Variants in PCM1 observed in about 807,000 individuals in gnomAD.
PCM1 encodes the protein pericentriolar material 1, also known as pericentriolar material 1 protein.
A neutral mutation model predicts 241.9 loss-of-function variants in PCM1; 157 were observed. That is an observed-to-expected ratio of 0.65 (90% CI 0.57 to 0.74). The LOEUF (loss-of-function observed/expected upper bound fraction) is 0.74. Ranked by LOEUF, PCM1 falls within the 30% of genes least tolerant of loss-of-function variation. The probability of loss-of-function intolerance (pLI) is 0.00; values close to 1 mark genes in which losing one functional copy is unlikely to be tolerated. For synonymous variants in PCM1, 1,085 were observed against 784.9 expected, an observed-to-expected ratio of 1.38 and a Z score of -6.39; for missense variants, 3,478 against 2,360.1, an observed-to-expected ratio of 1.47 and a Z score of -9.81.
At chr8:17,951,309 G>C (rs1442615497) in intron 8 of PCM1, among the ~76,000 whole-genome samples, 2 of 152,202 alleles carry the variant, frequency 1.3e-5, no homozygotes, top group Non-Finnish European at 2.9e-5. Flanking sequence ...TGAAGATGCA[G>C]TGTCTCTTGT....
chr8:18,027,327 C>T (rs2094307874), intron 38 of PCM1, among the ~76,000 whole-genome samples: 1 of 152,092 alleles, frequency 6.6e-6, no homozygotes. Flanking sequence ...TGTTGATATC[C>T]CCTCTTCTGT....
chr8:17,975,598 A>G (rs1196344237), intron 23 of PCM1, among the ~76,000 whole-genome samples: 6 of 152,294 alleles, frequency 3.9e-5, no homozygotes, highest in East Asian at 3.9e-4. Context: ...GGGAACGGAT[A>G]TGACAGATAT....
In PCM1 at chr8:17,992,420, G is replaced by T. The variant is rs183409775; in HGVS notation, c.4690+720G>T. Among the ~76,000 whole-genome samples the T allele has an allele frequency of 3.7e-3, 557 of 152,076 alleles. 5 individuals carry two copies. Among genetic ancestry groups the T allele is most frequent in the African/African-American group, 0.013 (537 of 41,510 alleles). ...TCCACACTAACATCTATTATTTTTT[G>T]ATTTTTAAATTACGGCCATTCTTGC... On this transcript the variant is annotated intron_variant, in intron 28 of 38. Coordinates refer to ENST00000325083, the MANE Select transcript of PCM1 (RefSeq NM_006197.4).
intron 6 of PCM1, among the ~76,000 whole-genome samples, chr8:17,946,313 T>G (rs1563781870): frequency 6.6e-6 from 1 of 152,188 alleles, no homozygotes; most frequent in African/African-American, 2.4e-5. Context: ...ATGACGAATA[T>G]AAAATTCGTT....
intron 4 of PCM1, among the ~76,000 whole-genome samples, chr8:17,937,840 A>T: frequency 6.6e-6 from 1 of 152,178 alleles, no homozygotes; most frequent in South Asian, 2.1e-4. Flanking sequence ...TTCTTGAGAG[A>T]TATTTTACTC....
chr8:18,001,501 C>T (rs1273769090), intron 29 of PCM1, among the ~76,000 whole-genome samples: 1 of 152,112 alleles, frequency 6.6e-6, no homozygotes, highest in Non-Finnish European at 1.5e-5. Flanking sequence ...TTTCATTTAA[C>T]AACATTGATC....
intron 36 of PCM1, 123 bp from the exon 37 acceptor site, chr8:18,025,237 AT>A (rs1379738113): frequency 1.9e-6 from 1 of 535,824 alleles, no homozygotes; most frequent in Non-Finnish European, 3.3e-6. Flanking sequence ...TAAATTATTC[AT>A]AGAGCTGAAT....
chr8:17,975,368 G>T (rs938591456), intron 23 of PCM1, among the ~76,000 whole-genome samples: 4 of 152,034 alleles, frequency 2.6e-5, no homozygotes, highest in Admixed American at 2.0e-4. Context: ...TCTCCACGTT[G>T]GTCAGGCTAG....
intron 23 of PCM1, among the ~76,000 whole-genome samples, chr8:17,975,547 A>T (rs1351393905): frequency 1.3e-5 from 2 of 152,134 alleles, no homozygotes; most frequent in Non-Finnish European, 2.9e-5. Context: ...TACTACAGTA[A>T]GAAAAGTATA....
In PCM1 at chr8:17,960,176, C is replaced by G. The variant is rs1403133450; in HGVS notation, c.2192+11C>G. The G allele has an allele frequency of 6.4e-7, 1 of 1,554,650 alleles. No homozygotes were observed. Among genetic ancestry groups the G allele is most frequent in the Non-Finnish European group, 8.7e-7 (1 of 1,152,608 alleles). On this transcript the variant is annotated intron_variant, in intron 14 of 38. Transcript: ENST00000325083. The stretch of plus-strand genomic sequence containing the variant: ...AAATGAAAAGGCAAGGTATGTTAAG[C>G]TTTTGGCCTTCATTTAATATAATAA...
intron 15 of PCM1, 48 bp downstream of exon 15, chr8:17,960,492 C>G (rs558178835): frequency 1.3e-6 from 2 of 1,481,766 alleles, no homozygotes; most frequent in Non-Finnish European, 1.8e-6. Flanking sequence ...ATGTTTAAAA[C>G]CTTAGGTCAA....
At chr8:17,973,832 C>G (rs546992775) in intron 23 of PCM1, among the ~76,000 whole-genome samples, 1 of 152,132 alleles carries the variant, frequency 6.6e-6, no homozygotes, top group African/African-American at 2.4e-5. Context: ...ACAACACATA[C>G]AAGTATAGTA....
intron 22 of PCM1, among the ~76,000 whole-genome samples, 195 bp downstream of exon 22, chr8:17,969,943 G>A (rs2076287752): frequency 1.3e-5 from 2 of 152,092 alleles, no homozygotes; most frequent in East Asian, 1.9e-4. Flanking sequence ...ATTAAAAGTT[G>A]TTTGGAAGGA....
At chr8:18,001,257 A>G (rs922718471) in intron 29 of PCM1, among the ~76,000 whole-genome samples, 1 of 152,196 alleles carries the variant, frequency 6.6e-6, no homozygotes, top group African/African-American at 2.4e-5. Context: ...CTGTTGTTAA[A>G]TATTTGTGTT....
At chr8:17,934,269 T>TC (rs1491391484) in intron 2 of PCM1, among the ~76,000 whole-genome samples, 3 of 45,190 alleles carry the variant, frequency 6.6e-5, no homozygotes, top group Non-Finnish European at 2.6e-4. Flanking sequence ...ATTTTTAATC[T>TC]TTTTTTTTTT....
At position 18,020,638 on chromosome 8, in the gene PCM1, CTG is replaced by C. The variant is rs1337905706; in HGVS notation, c.5842-4721_5842-4720del. On this transcript the variant is annotated intron_variant, in intron 36 of 38. Transcript: ENST00000325083. ...TTTATTGATGGATCCTATGAAAAAA[CTG>C]TAGAGAAGAAATACTGAGCAAGACA... 2.6e-5 allele frequency among the ~76,000 whole-genome samples: 4 copies of C among 152,134 alleles called. No homozygotes were observed. The East Asian group carries it at 7.7e-4, about 29-fold the overall frequency.
At chr8:18,011,053 C>T (rs2092424460) in intron 32 of PCM1, among the ~76,000 whole-genome samples, 184 bp from the exon 33 acceptor site, 2 of 152,152 alleles carry the variant, frequency 1.3e-5, no homozygotes, top group African/African-American at 4.8e-5. Flanking sequence ...TGTTTGAAAG[C>T]AGACTGTATC....
chr8:18,018,111 G>T (rs1012461372), intron 36 of PCM1, among the ~76,000 whole-genome samples: 1 of 152,192 alleles, frequency 6.6e-6, no homozygotes, highest in Non-Finnish European at 1.5e-5. Context: ...AGAATCCTCT[G>T]TGAACCAGTC....
At chr8:18,012,692 C>G (rs1402331931) in intron 34 of PCM1, among the ~76,000 whole-genome samples, 2 of 152,002 alleles carry the variant, frequency 1.3e-5, no homozygotes, top group African/African-American at 2.4e-5. Context: ...TTTTTAAATT[C>G]TCTTTATTAC....
Sources: gnomAD v4.1 joint callset for allele counts (sites outside exome capture counted in the v4.1 genomes callset) on GRCh38, gnomAD v4.1.1 for gene constraint, MANE v1.5 for transcripts, NCBI Gene and HGNC (gene_info 2026-07-23, HGNC 2026-07-21) for gene names.